GRAMD1C: variants seen among roughly 807,000 people sequenced by gnomAD.
GRAMD1C encodes protein Aster-C.
In GRAMD1C, 89 loss-of-function variants were observed where a neutral mutation model predicts 97.8. The ratio of observed to expected loss-of-function variants is 0.91; its 90% CI spans 0.77 to 1.09. The LOEUF (loss-of-function observed/expected upper bound fraction) is 1.09, where lower values mean the gene tolerates loss of function less well. Ranked by LOEUF, GRAMD1C falls within the 50% of genes least tolerant of loss-of-function variation. The pLI, the probability that GRAMD1C is intolerant of heterozygous loss-of-function variation, is 0.00. For missense variants in GRAMD1C, 740 were observed against 766.4 expected (o/e 0.97, Z 0.41); for synonymous variants, 256 against 267.0 (o/e 0.96, Z 0.40).
intron 10 of GRAMD1C, among the ~76,000 whole-genome samples, chr3:113,920,848 C>T (rs58424756): frequency 3.2e-4 from 49 of 152,122 alleles, no homozygotes; most frequent in African/African-American, 9.6e-4. Flanking sequence ...GGCCAAAATT[C>T]GGGGGTCTTT....
intron 3 of GRAMD1C, among the ~76,000 whole-genome samples, 190 bp downstream of exon 3, chr3:113,869,781 T>G (rs1178522798): frequency 6.6e-6 from 1 of 152,142 alleles, no homozygotes; most frequent in Non-Finnish European, 1.5e-5. Flanking sequence ...ATCAATATAT[T>G]GAAGAGATAT....
At chr3:113,850,398 G>A (rs1389939471) in intron 2 of GRAMD1C, 11 of 899,012 alleles carry the variant, frequency 1.2e-5, no homozygotes, top group Non-Finnish European at 2.0e-5. Flanking sequence ...CTTGCAGGTC[G>A]CTCACCCTCC....
chr3:113,894,241 A>G (rs1002101576), intron 6 of GRAMD1C, among the ~76,000 whole-genome samples: 1 of 152,116 alleles, frequency 6.6e-6, no homozygotes, highest in Non-Finnish European at 1.5e-5. Flanking sequence ...TACAGATATT[A>G]TAATATAGGC....
At chr3:113,911,703 C>CCTTCCTTCCTTCTTTCTCTTCCTTA (rs1553723608) in intron 9 of GRAMD1C, among the ~76,000 whole-genome samples, 1 of 122,276 alleles carries the variant, frequency 8.2e-6, no homozygotes, top group Admixed American at 8.7e-5. Context: ...TTCTTTCCTT[C>CCTTCCTTCCTTCTTTCTCTTCCTTA]CTTCCTTCCT....
At chr3:113,849,110 A>T (rs1166409772) in intron 2 of GRAMD1C, among the ~76,000 whole-genome samples, 1 of 152,086 alleles carries the variant, frequency 6.6e-6, no homozygotes, top group African/African-American at 2.4e-5. Context: ...CAACATATGC[A>T]TTTATTTAGT....
At chr3:113,891,815 A>T (rs1024409373) in intron 6 of GRAMD1C, among the ~76,000 whole-genome samples, 30 of 151,974 alleles carry the variant, frequency 2.0e-4, no homozygotes, top group Non-Finnish European at 4.4e-5. Flanking sequence ...TGAGCCCAGG[A>T]GGCTGAGGCT....
intron 10 of GRAMD1C, among the ~76,000 whole-genome samples, chr3:113,929,318 C>T (rs1937331556): frequency 6.6e-6 from 1 of 152,054 alleles, no homozygotes; most frequent in Non-Finnish European, 1.5e-5. Context: ...TTATGATAAG[C>T]TTTACTTAGG....
intron 6 of GRAMD1C, chr3:113,890,943 G>A (rs563574670): frequency 2.0e-6 from 1 of 503,730 alleles, no homozygotes; most frequent in South Asian, 3.7e-5. Context: ...AAGAAACACT[G>A]CATTTACTGG....
chr3:113,834,939 CAAAAA>C (rs58338279), upstream of GRAMD1C, among the ~76,000 whole-genome samples: 2 of 126,048 alleles, frequency 1.6e-5, no homozygotes. Flanking sequence ...AACTCCGTCT[CAAAAA>C]AAAAAAAAAA....
chr3:113,911,474 G>A (rs116028975), intron 9 of GRAMD1C, among the ~76,000 whole-genome samples: 2,013 of 151,972 alleles, frequency 0.013, 42 homozygotes, highest in African/African-American at 0.046. Flanking sequence ...TTGAACTCCT[G>A]GCTTCAACTG....
At chr3:113,916,034 C>T (rs1420923157) in intron 10 of GRAMD1C, among the ~76,000 whole-genome samples, 196 bp downstream of exon 10, 2 of 152,168 alleles carry the variant, frequency 1.3e-5, no homozygotes, top group African/African-American at 4.8e-5. Context: ...TTTAATTAGG[C>T]ACATGCTTCC....
At chr3:113,849,902 G>T (rs891549811) in intron 2 of GRAMD1C, among the ~76,000 whole-genome samples, 3 of 150,070 alleles carry the variant, frequency 2.0e-5, no homozygotes, top group African/African-American at 7.3e-5. Context: ...CCCGGACGGG[G>T]CGGCTGGCCA....
intron 17 of GRAMD1C, among the ~76,000 whole-genome samples, chr3:113,944,921 GT>G (rs1346784775): frequency 1.3e-5 from 2 of 152,218 alleles, no homozygotes; most frequent in African/African-American, 4.8e-5. Context: ...CAGTGTCAAA[GT>G]GTTAAGTAGT....
At chr3:113,872,382 C>CT (rs1160149311) in intron 3 of GRAMD1C, among the ~76,000 whole-genome samples, 3 of 103,626 alleles carry the variant, frequency 2.9e-5, no homozygotes, top group South Asian at 3.1e-4. Flanking sequence ...CCACTTCATT[C>CT]TTTTTTTTCT....
At chr3:113,850,875 C>T (rs998781016) in intron 2 of GRAMD1C, 1 of 224,802 alleles carries the variant, frequency 4.4e-6, no homozygotes, top group Non-Finnish European at 6.8e-6. Context: ...GATCTTGGCT[C>T]ACTGCAAACT....
At chr3:113,857,159 T>TC (rs1934163083) in intron 2 of GRAMD1C, among the ~76,000 whole-genome samples, 1 of 139,934 alleles carries the variant, frequency 7.1e-6, no homozygotes, top group Non-Finnish European at 1.6e-5. Context: ...TTTATTTCCT[T>TC]AAAAAAAACA....
rs1464365210 is a variant in GRAMD1C at position 113,945,835 on chromosome 3, A to T, written c.*357A>T. ...GATGCTTTGTTAGCACAGAATCCGTACATGTCCAATAGGTCGCTTTTGTAA... is the reference window on the plus strand; with the variant it reads ...GATGCTTTGTTAGCACAGAATCCGTTCATGTCCAATAGGTCGCTTTTGTAA... On this transcript the variant is annotated 3_prime_UTR_variant, in exon 18 of 18. Coordinates refer to ENST00000358160, the MANE Select transcript of GRAMD1C (RefSeq NM_017577.5). 5.1e-6 allele frequency: 1 copy of T among 194,954 alleles called. No homozygotes were observed. The highest frequency in any genetic ancestry group is 1.0e-5 in the Non-Finnish European group (1 of 96,742). 12.1% of individuals were successfully genotyped at this position (194,954 alleles called of 1,614,324 possible).
At chr3:113,922,423 T>G (rs1450130049) in intron 10 of GRAMD1C, among the ~76,000 whole-genome samples, 1 of 152,208 alleles carries the variant, frequency 6.6e-6, no homozygotes, top group East Asian at 1.9e-4. Flanking sequence ...TACATTTAAG[T>G]CTTTAATCCA....
At chr3:113,856,186 C>T (rs1172271639) in intron 2 of GRAMD1C, among the ~76,000 whole-genome samples, 1 of 152,184 alleles carries the variant, frequency 6.6e-6, no homozygotes, top group African/African-American at 2.4e-5. Flanking sequence ...CCCTGCCCAG[C>T]TGGAATTTAA....
Sources: gnomAD v4.1 joint callset for allele counts (sites outside exome capture counted in the v4.1 genomes callset) on GRCh38, gnomAD v4.1.1 for gene constraint, MANE v1.5 for transcripts, NCBI Gene and HGNC (gene_info 2026-07-23, HGNC 2026-07-21) for gene names.